PCDHA3: variants seen among roughly 807,000 people sequenced by gnomAD.
PCDHA3 encodes the protein protocadherin alpha 3, also known as protocadherin alpha-3.
Under a neutral mutation model 62.2 loss-of-function variants are expected in PCDHA3, and 41 were observed. The observed-to-expected ratio is 0.66, with a 90% CI of 0.51 to 0.86. PCDHA3 has a LOEUF of 0.86. Ranked by LOEUF, PCDHA3 falls within the 40% of genes least tolerant of loss-of-function variation. The pLI, the probability that PCDHA3 is intolerant of heterozygous loss-of-function variation, is 0.00. For synonymous variants in PCDHA3, 640 were observed against 555.4 expected (o/e 1.15, Z -2.14); for missense variants, 1,304 against 1,241.2 (o/e 1.05, Z -0.76).
rs782272543 is a variant in PCDHA3 at position 140,801,891 on chromosome 5, G to A, written c.694G>A (p.Val232Ile). ...TGGCACGACTCAACTAAAGATCACT[G>A]TTTTAGATGTAAACGACAACGCCCC... ...LTGTTQLKITVLDVNDNAPAF... is the reference protein window; with the variant it reads ...LTGTTQLKITILDVNDNAPAF... The change falls in exon 1 of 4, where the codon GTT (valine) becomes ATT (isoleucine). Residue 232 changes from valine to isoleucine, a missense_variant. Val to Ile is a conservative substitution (Grantham distance 29, BLOSUM62 3). Coordinates refer to ENST00000522353, the MANE Select transcript of PCDHA3 (RefSeq NM_018906.3). 15 of 1,614,092 alleles carry A rather than the reference G, an allele frequency of 9.3e-6. No individual in the cohort carries two copies. Among genetic ancestry groups the A allele is most frequent in the Non-Finnish European group, 1.3e-5 (15 of 1,180,012 alleles).
intron 1 of PCDHA3, chr5:140,830,029 G>A (rs2150179968): frequency 1.2e-6 from 2 of 1,613,910 alleles, no homozygotes; most frequent in Middle Eastern, 1.7e-4. Flanking sequence ...CGCGCCACCG[G>A]CTGCTGGTGC....
Position 140,967,000 on chromosome 5 carries a change from C to T in PCDHA3, c.2395-11949C>T, listed in dbSNP as rs544624379. The T allele has an allele frequency of 6.1e-5, 98 of 1,604,962 alleles. No individual in the cohort carries two copies. The East Asian group carries it at 2.1e-3, about 35-fold the overall frequency. ...GGCGCTTGGGGCCGGGTTGCTTGCG[C>T]ATCAACCATCTGGGTGCGCCCAGTC... On this transcript the variant is annotated intron_variant, in intron 1 of 3. Coordinates refer to ENST00000522353, the MANE Select transcript of PCDHA3 (RefSeq NM_018906.3).
At chr5:140,946,871 A>G (rs952595827) in intron 1 of PCDHA3, among the ~76,000 whole-genome samples, 8 of 151,442 alleles carry the variant, frequency 5.3e-5, no homozygotes, top group Non-Finnish European at 8.9e-5. Flanking sequence ...AGGTTGGTCA[A>G]TGGGTACGAA....
chr5:140,877,793 C>T, intron 1 of PCDHA3: 1 of 1,613,948 alleles, frequency 6.2e-7, no homozygotes, highest in Non-Finnish European at 8.5e-7. Flanking sequence ...GCCTTCAGCC[C>T]AAGCCTTCAG....
intron 1 of PCDHA3, chr5:140,807,460 C>T (rs1763939402): frequency 6.2e-7 from 1 of 1,608,638 alleles, no homozygotes; most frequent in Non-Finnish European, 8.5e-7. Flanking sequence ...CTCGGATCGA[C>T]CGGGAGGAGC....
At chr5:141,005,315 G>A (rs1554259986) in intron 3 of PCDHA3, among the ~76,000 whole-genome samples, 1 of 152,186 alleles carries the variant, frequency 6.6e-6, no homozygotes, top group Non-Finnish European at 1.5e-5. Flanking sequence ...TCTTACAGTG[G>A]TAGAGAATAA....
intron 1 of PCDHA3, chr5:140,828,638 A>G: frequency 6.2e-7 from 1 of 1,614,228 alleles, no homozygotes; most frequent in Non-Finnish European, 8.5e-7. Flanking sequence ...GCTAGATGTG[A>G]AAATAAACAG....
chr5:140,849,912 C>T (rs1318290193), intron 1 of PCDHA3: 4 of 1,598,150 alleles, frequency 2.5e-6, no homozygotes, highest in Admixed American at 1.7e-5. Context: ...GCCGGGCTGC[C>T]ACATCTTCAC....
chr5:140,859,256 G>C lies in PCDHA3; in HGVS notation c.2394+55665G>C, dbSNP rs182882850. On this transcript the variant is annotated intron_variant, in intron 1 of 3. Transcript: ENST00000522353. Reference sequence around the variant, plus strand: ...TCATGCTTATGTTTAATAATGAAGAGAATTTGAACACTTTTTACTTTTGAG... The same window carrying C: ...TCATGCTTATGTTTAATAATGAAGACAATTTGAACACTTTTTACTTTTGAG... 3 of 131,348 alleles carry C rather than the reference G, an allele frequency of 2.3e-5. 1 individual carries two copies. The highest frequency in any genetic ancestry group is 5.3e-5 in the Non-Finnish European group (3 of 56,988). The allele number at this position is 131,348 out of a possible 1,614,324, so 8.1% of individuals were successfully genotyped here.
Position 140,876,427 on chromosome 5 carries a change from C to T in PCDHA3, c.2394+72836C>T, listed in dbSNP as rs267600399. 4 of 1,613,798 alleles carry T rather than the reference C, an allele frequency of 2.5e-6. No homozygotes were observed. The African/African-American group carries it at 5.3e-5, about 22-fold the overall frequency. On this transcript the variant is annotated intron_variant, in intron 1 of 3. Coordinates refer to ENST00000522353, the MANE Select transcript of PCDHA3 (RefSeq NM_018906.3). ...TGAAGAGAATAATGCCTATGAAATT[C>T]AGGTTAACGCCATTGATAAAGGGAT...
intron 1 of PCDHA3, chr5:140,815,731 A>G (rs1403515863): frequency 6.6e-6 from 1 of 152,166 alleles, no homozygotes; most frequent in African/African-American, 2.4e-5. Flanking sequence ...ATTTTAACTC[A>G]AAAGGCCCCC....
intron 1 of PCDHA3, chr5:140,869,903 C>A: frequency 1.2e-6 from 2 of 1,610,648 alleles, no homozygotes; most frequent in Non-Finnish European, 1.7e-6. Flanking sequence ...CTAAACGCCA[C>A]AGACCGAGAC....
At chr5:140,890,995 AATTATTG>A (rs2062893933) in intron 1 of PCDHA3, among the ~76,000 whole-genome samples, 1 of 152,138 alleles carries the variant, frequency 6.6e-6, no homozygotes, top group Non-Finnish European at 1.5e-5. Context: ...ATTTCATCAT[AATTATTG>A]AAAAGCATTT....
intron 1 of PCDHA3, chr5:140,877,011 G>T: frequency 2.5e-6 from 4 of 1,612,512 alleles, no homozygotes. Flanking sequence ...TGCACGCGGA[G>T]AGCGGCAAGG....
chr5:140,968,714 G>A, intron 1 of PCDHA3: 1 of 1,614,150 alleles, frequency 6.2e-7, no homozygotes, highest in South Asian at 1.1e-5. Flanking sequence ...GAAGATGGGA[G>A]ATGAGAGTGG....
chr5:140,928,778 C>G (rs564618368), intron 1 of PCDHA3: 3 of 1,614,136 alleles, frequency 1.9e-6, no homozygotes, highest in East Asian at 4.5e-5. Context: ...CCCACTGATG[C>G]AGTTAAGCAG....
intron 1 of PCDHA3, among the ~76,000 whole-genome samples, chr5:140,953,746 A>G (rs2094931124): frequency 6.6e-6 from 1 of 152,016 alleles, no homozygotes; most frequent in African/African-American, 2.4e-5. Context: ...TTAACATTAC[A>G]TTTATCCAAG....
intron 1 of PCDHA3, chr5:140,804,915 C>T: frequency 1.1e-6 from 1 of 923,182 alleles, no homozygotes; most frequent in East Asian, 3.0e-5. Context: ...TTCTTTATTT[C>T]CTTTTTTGGC....
At chr5:140,835,581 A>G in intron 1 of PCDHA3, 1 of 1,613,870 alleles carries the variant, frequency 6.2e-7, no homozygotes, top group Non-Finnish European at 8.5e-7. Flanking sequence ...GTTGGTGTCC[A>G]CCTTCAAGAA....
Sources: gnomAD v4.1 joint callset for allele counts (sites outside exome capture counted in the v4.1 genomes callset) on GRCh38, gnomAD v4.1.1 for gene constraint, MANE v1.5 for transcripts, NCBI Gene and HGNC (gene_info 2026-07-23, HGNC 2026-07-21) for gene names.